The following MINAR1 variants were observed in gnomAD, a reference collection of about 807,000 sequenced individuals.
MINAR1 encodes major intrinsically disordered Notch2-binding receptor 1.
In MINAR1, 40 loss-of-function variants were observed where a neutral mutation model predicts 65.1. The observed-to-expected ratio is 0.61, with a 90% CI of 0.48 to 0.80. MINAR1 has a LOEUF of 0.80. MINAR1 is among the 30% of genes least tolerant of loss of function. MINAR1 has a pLI of 0.00. For synonymous variants in MINAR1, 482 were observed against 449.1 expected (o/e 1.07, Z -0.93); for missense variants, 1,128 against 1,148.0 (o/e 0.98, Z 0.25).
chr15:79,440,690 C>T (rs147648887), intron 1 of MINAR1, among the ~76,000 whole-genome samples: 2,307 of 152,242 alleles, frequency 0.015, 58 homozygotes, highest in African/African-American at 0.053. Flanking sequence ...CAGGCAGGCA[C>T]GTGGTTTGCT....
upstream of MINAR1, among the ~76,000 whole-genome samples, chr15:79,432,001 C>A (rs1439430983): frequency 6.6e-6 from 1 of 152,112 alleles, no homozygotes; most frequent in Non-Finnish European, 1.5e-5. Flanking sequence ...AGTTGCTGCC[C>A]GTGCGCCCCG....
In MINAR1 at chr15:79,468,423, A is replaced by T; in HGVS notation, c.*39A>T. On this transcript the variant is annotated 3_prime_UTR_variant, in exon 4 of 4. Coordinates refer to ENST00000305428, the MANE Select transcript of MINAR1 (RefSeq NM_015206.3). ...CCTTACGTACAGCTTATGACTACCA[A>T]TGTCGTCGTCTGTATCTTAGAATCT... The T allele has an allele frequency of 6.4e-7, 1 of 1,567,684 alleles. No individual in the cohort carries two copies. The highest frequency in any genetic ancestry group is 1.1e-5 in the South Asian group (1 of 87,644).
rs75317003 is a variant in MINAR1 at position 79,453,080 on chromosome 15, A to G, written c.-50-3018A>G. Among the ~76,000 whole-genome samples, 558 of 151,918 alleles carry G rather than the reference A, an allele frequency of 3.7e-3. 2 individuals carry two copies. Among genetic ancestry groups the G allele is most frequent in the African/African-American group, 0.013 (521 of 41,440 alleles). On this transcript the variant is annotated intron_variant, in intron 1 of 3. Transcript: ENST00000305428. Reference sequence around the variant, plus strand: ...TTGCTCTGACCAGATCCGGCTTCAGACTGTGATGCATTATGCTCTGAGTGG... The same window carrying G: ...TTGCTCTGACCAGATCCGGCTTCAGGCTGTGATGCATTATGCTCTGAGTGG...
intron 1 of MINAR1, 70 bp from the exon 2 acceptor site, chr15:79,456,028 C>G (rs1444565093): frequency 2.3e-6 from 2 of 883,980 alleles, no homozygotes; most frequent in Non-Finnish European, 3.4e-6. Flanking sequence ...TTATAAGGAG[C>G]TTGACTTCAA....
rs11634652 is a variant in MINAR1 at position 79,457,105 on chromosome 15, G to T, written c.958G>T (p.Val320Phe). ...SQYLNPVYSP[V>F]PDKRRAKHES... The stretch of plus-strand genomic sequence containing the variant: ...GTACCTGAATCCAGTGTATTCCCCG[G>T]TTCCTGACAAAAGGCGAGCAAAGCA... The change falls in exon 2 of 4, where the codon GTT becomes TTT. Residue 320 changes from valine to phenylalanine, a missense_variant. Coordinates refer to ENST00000305428, the MANE Select transcript of MINAR1 (RefSeq NM_015206.3). 0.07 allele frequency: 113,774 copies of T among 1,613,930 alleles called. 6,103 individuals are homozygous for T. Among genetic ancestry groups the T allele is most frequent in the African/African-American group, 0.29 (21,419 of 74,884 alleles).
chr15:79,423,750 T>C, the MINAR1 span: 2 of 152,354 alleles, frequency 1.3e-5, no homozygotes, highest in Non-Finnish European at 2.9e-5. Context: ...TTTGTAACCT[T>C]AGGGAAATAA....
In MINAR1 at chr15:79,436,275, C is replaced by T. The variant is rs114548975; in HGVS notation, c.-51+3735C>T. On this transcript the variant is annotated intron_variant, in intron 1 of 3. Coordinates refer to ENST00000305428, the MANE Select transcript of MINAR1 (RefSeq NM_015206.3). ...TCATACTGGCTGCTGATCAGGATAG[C>T]AGTGTTATCCAGGAAGGCCAGTCCT... Among the ~76,000 whole-genome samples, 555 of 152,276 alleles carry T rather than the reference C, an allele frequency of 3.6e-3. 9 individuals carry two copies. Among genetic ancestry groups the T allele is most frequent in the African/African-American group, 0.013 (533 of 41,558 alleles).
the MINAR1 span, chr15:79,419,663 G>A: frequency 6.6e-6 from 1 of 152,088 alleles, no homozygotes; most frequent in African/African-American, 2.4e-5. Context: ...AGAAGATCTT[G>A]GAAATGAAAA....
At chr15:79,414,754 GA>G in the MINAR1 span, 1 of 152,190 alleles carries the variant, frequency 6.6e-6, no homozygotes, top group South Asian at 2.1e-4. Flanking sequence ...AATGTGCCTA[GA>G]GGGGCACTTG....
the MINAR1 span, chr15:79,424,224 T>C: frequency 1.3e-5 from 2 of 152,252 alleles, no homozygotes; most frequent in Non-Finnish European, 2.9e-5. Context: ...GAATGAGGCT[T>C]AGTTACCAGA....
chr15:79,421,967 T>C, the MINAR1 span: 2 of 152,220 alleles, frequency 1.3e-5, no homozygotes, highest in East Asian at 1.9e-4. Context: ...ACATTGTATA[T>C]GCAGTCAGCA....
the MINAR1 span, chr15:79,424,208 C>T: frequency 1.3e-5 from 2 of 152,202 alleles, no homozygotes; most frequent in Non-Finnish European, 2.9e-5. Context: ...AATAATGGGA[C>T]TCTCAGAATG....
intron 3 of MINAR1, among the ~76,000 whole-genome samples, chr15:79,466,065 G>C (rs182780057): frequency 6.6e-6 from 1 of 152,144 alleles, no homozygotes; most frequent in East Asian, 1.9e-4. Context: ...TCTTGCAAAG[G>C]CTGAAGGGTT....
chr15:79,425,998 G>A, the MINAR1 span: 2 of 152,268 alleles, frequency 1.3e-5, no homozygotes, highest in African/African-American at 4.8e-5. Context: ...ATTTCCAAGA[G>A]TCAAAAGCCA....
chr15:79,466,229 G>C (rs887334987), intron 3 of MINAR1, among the ~76,000 whole-genome samples: 12 of 152,220 alleles, frequency 7.9e-5, no homozygotes, highest in African/African-American at 2.7e-4. Flanking sequence ...CTCGGCGAGG[G>C]AAGGGACCAG....
At chr15:79,440,908 G>T (rs535754050) in intron 1 of MINAR1, among the ~76,000 whole-genome samples, 1 of 152,208 alleles carries the variant, frequency 6.6e-6, no homozygotes, top group South Asian at 2.1e-4. Flanking sequence ...ATAAGCTCAT[G>T]AGGGCAGGGT....
chr15:79,431,712 T>G (rs543569096), upstream of MINAR1, among the ~76,000 whole-genome samples: 2 of 152,330 alleles, frequency 1.3e-5, no homozygotes, highest in African/African-American at 4.8e-5. Context: ...CGCCCCTGCT[T>G]GCCACTGGGG....
chr15:79,445,417 A>T (rs1471413485), intron 1 of MINAR1, among the ~76,000 whole-genome samples: 1 of 152,212 alleles, frequency 6.6e-6, no homozygotes, highest in Non-Finnish European at 1.5e-5. Context: ...AAATTTGGGC[A>T]ATTTGGCTCC....
At chr15:79,418,142 T>C in the MINAR1 span, 2 of 152,212 alleles carry the variant, frequency 1.3e-5, no homozygotes, top group South Asian at 4.1e-4. Context: ...CTGTCAGTTG[T>C]TTATGGGAAT....
Sources: allele counts gnomAD v4.1 joint callset (sites outside exome capture counted in the v4.1 genomes callset), GRCh38; gene constraint gnomAD v4.1.1; transcripts MANE v1.5; gene names NCBI Gene and HGNC (gene_info 2026-07-23, HGNC 2026-07-21).